The following DMD variants were observed in gnomAD, a reference collection of about 807,000 sequenced individuals.
DMD encodes dystrophin, also known as mutant dystrophin.
Under a neutral mutation model 330.1 loss-of-function variants are expected in DMD, and 63 were observed. The ratio of observed to expected loss-of-function variants is 0.19; its 90% CI spans 0.16 to 0.24. DMD has a LOEUF of 0.24. Ranked by LOEUF, DMD falls within the 10% of genes least tolerant of loss-of-function variation. The probability of loss-of-function intolerance (pLI) is 1.00; values close to 1 mark genes in which losing one functional copy is unlikely to be tolerated. For missense variants in DMD, 3,344 were observed against 2,684.1 expected (o/e 1.25, Z -5.43); for synonymous variants, 1,223 against 959.8 (o/e 1.27, Z -5.07).
At chrX:32,897,940 A>G (rs1378460076) in intron 2 of DMD, among the ~76,000 whole-genome samples, 2 of 112,536 alleles carry the variant, frequency 1.8e-5, no homozygotes, top group Non-Finnish European at 3.7e-5. Context: ...CTTGCTAAAT[A>G]GCATCACAAA....
intron 63 of DMD, among the ~76,000 whole-genome samples, chrX:31,232,081 T>TAAAAA (rs776133263): frequency 3.0e-5 from 1 of 33,286 alleles, no homozygotes; most frequent in Non-Finnish European, 5.4e-5. Context: ...CAGCACATGT[T>TAAAAA]AAAAAAAAAA....
chrX:32,351,572 C>A (rs1184105888), intron 37 of DMD, among the ~76,000 whole-genome samples: 1 of 108,552 alleles, frequency 9.2e-6, no homozygotes, highest in African/African-American at 3.3e-5. Context: ...CCCTAGACAT[C>A]CTATGGAGCT....
intron 52 of DMD, among the ~76,000 whole-genome samples, chrX:31,688,302 A>G (rs1377603782): frequency 9.0e-6 from 1 of 111,299 alleles, no homozygotes; most frequent in Non-Finnish European, 1.9e-5. Context: ...CACCGACACC[A>G]CAGAAATACA....
chrX:31,286,607 A>T (rs1053591838), intron 62 of DMD, among the ~76,000 whole-genome samples: 2 of 112,433 alleles, frequency 1.8e-5, no homozygotes, highest in African/African-American at 3.2e-5. Flanking sequence ...ATCACCTGTT[A>T]GAAATGCAGA....
chrX:31,902,057 T>C (rs2094430117), intron 47 of DMD, among the ~76,000 whole-genome samples: 1 of 111,747 alleles, frequency 8.9e-6, no homozygotes. Flanking sequence ...GCTGGTATCA[T>C]ACACATAATA....
At chrX:32,453,987 A>T (rs1411448282) in intron 26 of DMD, among the ~76,000 whole-genome samples, 1 of 110,989 alleles carries the variant, frequency 9.0e-6, no homozygotes, top group African/African-American at 3.3e-5. Context: ...CATACATTCA[A>T]GTGAGGAAGT....
intron 60 of DMD, among the ~76,000 whole-genome samples, chrX:31,365,752 G>T (rs2059196614): frequency 8.9e-6 from 1 of 112,521 alleles, no homozygotes; most frequent in Non-Finnish European, 1.9e-5. Flanking sequence ...ATCAATAATT[G>T]TCTGCTATGA....
At chrX:32,537,772 C>G (rs770097797) in intron 17 of DMD, among the ~76,000 whole-genome samples, 8 of 112,153 alleles carry the variant, frequency 7.1e-5, no homozygotes, top group Non-Finnish European at 1.5e-4. Flanking sequence ...AGTATGAGTA[C>G]CATTTTCTTC....
chrX:31,734,243 T>G (rs189270998), intron 51 of DMD, among the ~76,000 whole-genome samples: 1 of 110,239 alleles, frequency 9.1e-6, no homozygotes, highest in Admixed American at 9.7e-5. Context: ...TTCTGAATCA[T>G]TTGAGAATAA....
rs190878564 is a variant in DMD at position 32,902,082 on chromosome X, A to T, written c.94-52262T>A. On this transcript the variant is annotated intron_variant, in intron 2 of 78. Transcript: ENST00000357033. Reference sequence around the variant, plus strand: ...TAGGGTAATAATACATATCATACGAATGTTAAGAGTGCAATAGCAAAATAA... The same window carrying T: ...TAGGGTAATAATACATATCATACGATTGTTAAGAGTGCAATAGCAAAATAA... 3.7e-5 allele frequency among the ~76,000 whole-genome samples: 4 copies of T among 108,444 alleles called. No individual in the cohort carries two copies. The East Asian group carries it at 1.2e-3, about 31-fold the overall frequency. 94.2% of individuals were successfully genotyped at this position (108,444 alleles called of 115,157 possible). A position where few individuals can be genotyped will look rare whatever the true frequency, so the allele number is the denominator to read the frequency against.
intron 7 of DMD, among the ~76,000 whole-genome samples, chrX:32,778,559 G>C (rs1275155461): frequency 8.9e-6 from 1 of 112,106 alleles, no homozygotes; most frequent in African/African-American, 3.2e-5. Flanking sequence ...TCTGACATGA[G>C]TCTTATTAGA....
intron 51 of DMD, among the ~76,000 whole-genome samples, chrX:31,731,949 A>G (rs2086537592): frequency 9.0e-6 from 1 of 111,642 alleles, no homozygotes; most frequent in African/African-American, 3.2e-5. Context: ...AACAGCTTTT[A>G]TTGCTGAAAT....
At chrX:32,093,148 T>G (rs1352320344) in intron 44 of DMD, among the ~76,000 whole-genome samples, 1 of 112,510 alleles carries the variant, frequency 8.9e-6, no homozygotes, top group African/African-American at 3.2e-5. Flanking sequence ...AATAGAATTC[T>G]TTAAATCTAT....
At position 33,222,497 on chromosome X, in the gene DMD, A is replaced by G. The variant is rs1332928088; in HGVS notation, c.7+116762T>C. On this transcript the variant is annotated intron_variant, in intron 1 of 17. Transcript: ENST00000288447. ...AATATTGTGAACAAGGCGTGAATGC[A>G]CACGCTCACCACTCTTATTCACGTA... is the stretch of plus-strand genomic sequence containing the variant. 1.5e-4 allele frequency among the ~76,000 whole-genome samples: 17 copies of G among 112,571 alleles called. No homozygotes were observed. In the Admixed American group the frequency reaches 1.6e-3, roughly 11 times the overall value.
intron 1 of DMD, among the ~76,000 whole-genome samples, chrX:33,161,330 A>C: frequency 8.9e-6 from 1 of 112,058 alleles, no homozygotes; most frequent in Middle Eastern, 4.6e-3. Context: ...CAGAAGAGGT[A>C]GATTGAGGAA....
intron 44 of DMD, among the ~76,000 whole-genome samples, chrX:31,980,722 G>T (rs2150253246): frequency 8.9e-6 from 1 of 111,906 alleles, no homozygotes; most frequent in South Asian, 3.7e-4. Context: ...TTAGATGGCA[G>T]AATCTGAATA....
At chrX:32,294,242 G>T (rs781341183) in intron 42 of DMD, among the ~76,000 whole-genome samples, 1 of 112,361 alleles carries the variant, frequency 8.9e-6, no homozygotes, top group African/African-American at 3.2e-5. Context: ...TGAATGAAAG[G>T]CTGATTACTT....
At chrX:33,073,503 T>C (rs1187127877) in intron 1 of DMD, among the ~76,000 whole-genome samples, 1 of 111,320 alleles carries the variant, frequency 9.0e-6, no homozygotes, top group African/African-American at 3.3e-5. Flanking sequence ...TCTCCAAATC[T>C]CAGGAACTAT....
At chrX:32,639,355 T>TC (rs2059301837) in intron 11 of DMD, among the ~76,000 whole-genome samples, 1 of 110,851 alleles carries the variant, frequency 9.0e-6, no homozygotes, top group Non-Finnish European at 1.9e-5. Context: ...CCTCCTACCA[T>TC]CCCAAGTGTA....
Sources: allele counts gnomAD v4.1 joint callset (sites outside exome capture counted in the v4.1 genomes callset), GRCh38; gene constraint gnomAD v4.1.1; transcripts MANE v1.5; gene names NCBI Gene and HGNC (gene_info 2026-07-23, HGNC 2026-07-21).